Variants in GALNT13 observed in about 807,000 individuals in gnomAD.
The protein encoded by GALNT13 is polypeptide N-acetylgalactosaminyltransferase 13.
In GALNT13, 28 loss-of-function variants were observed where a neutral mutation model predicts 64.2. The observed-to-expected ratio is 0.44, with a 90% CI of 0.32 to 0.60. GALNT13 has a LOEUF of 0.60. Among genes scored for constraint, GALNT13 ranks in the 20% least tolerant of loss-of-function variants. GALNT13 has a pLI of 0.05. For synonymous variants in GALNT13, 214 were observed against 224.6 expected (o/e 0.95, Z 0.42); for missense variants, 577 against 669.8 (o/e 0.86, Z 1.53).
the GALNT13 span, among the ~76,000 whole-genome samples, chr2:153,625,511 T>A: frequency 6.6e-6 from 1 of 152,068 alleles, no homozygotes; most frequent in African/African-American, 2.4e-5. Flanking sequence ...AAGTCACACA[T>A]GCCACAGAAT....
the GALNT13 span, among the ~76,000 whole-genome samples, chr2:153,647,400 T>A: frequency 1.3e-5 from 2 of 152,202 alleles, no homozygotes; most frequent in Non-Finnish European, 2.9e-5. Flanking sequence ...AAAAATTTTC[T>A]CCCATTCTGT....
At chr2:153,172,575 A>G in the GALNT13 span, among the ~76,000 whole-genome samples, 1 of 152,116 alleles carries the variant, frequency 6.6e-6, no homozygotes, top group Non-Finnish European at 1.5e-5. Context: ...GTCATGAGCT[A>G]GGGCTCTTGG....
chr2:153,956,304 A>G (rs1180251830), intron 3 of GALNT13, among the ~76,000 whole-genome samples: 3 of 152,368 alleles, frequency 2.0e-5, no homozygotes, highest in South Asian at 4.1e-4. Flanking sequence ...AAAGAAGTAG[A>G]TCACAGGATT....
the GALNT13 span, among the ~76,000 whole-genome samples, chr2:153,528,193 T>C: frequency 1.3e-5 from 2 of 151,784 alleles, no homozygotes; most frequent in Non-Finnish European, 2.9e-5. Context: ...ACACCTCATC[T>C]ATAAAAAACA....
At chr2:153,591,432 A>G in the GALNT13 span, among the ~76,000 whole-genome samples, 1 of 152,076 alleles carries the variant, frequency 6.6e-6, no homozygotes, top group Non-Finnish European at 1.5e-5. Context: ...AATTTCCCTC[A>G]GAATTAGAAA....
chr2:153,257,308 G>A, the GALNT13 span, among the ~76,000 whole-genome samples: 7 of 152,058 alleles, frequency 4.6e-5, no homozygotes, highest in Admixed American at 6.5e-5. Context: ...GCCCTGCTTC[G>A]GCTCGTGCAC....
At chr2:154,419,273 A>C (rs1700152192) in intron 11 of GALNT13, among the ~76,000 whole-genome samples, 1 of 152,136 alleles carries the variant, frequency 6.6e-6, no homozygotes. Flanking sequence ...GCCTGGCCAC[A>C]GTGTTTTCTA....
At chr2:153,178,785 G>A in the GALNT13 span, among the ~76,000 whole-genome samples, 3 of 145,336 alleles carry the variant, frequency 2.1e-5, no homozygotes, top group Non-Finnish European at 4.5e-5. Flanking sequence ...GCCCAGGCTG[G>A]AGTGCAGTGG....
chr2:153,550,665 T>C, the GALNT13 span, among the ~76,000 whole-genome samples: 2 of 152,232 alleles, frequency 1.3e-5, no homozygotes, highest in Non-Finnish European at 1.5e-5. Context: ...CTAAGTATAA[T>C]GAACCATATT....
chr2:153,747,890 A>G, the GALNT13 span, among the ~76,000 whole-genome samples: 46 of 152,236 alleles, frequency 3.0e-4, no homozygotes, highest in Admixed American at 2.8e-3. Context: ...TCCATTTTAT[A>G]TATGTACCAT....
the GALNT13 span, among the ~76,000 whole-genome samples, chr2:153,482,597 G>T: frequency 3.3e-5 from 5 of 152,152 alleles, no homozygotes; most frequent in African/African-American, 1.2e-4. Flanking sequence ...AGCCTCCTGA[G>T]GAGCTGGGCT....
the GALNT13 span, among the ~76,000 whole-genome samples, chr2:153,259,497 T>C: frequency 6.6e-6 from 1 of 152,216 alleles, no homozygotes; most frequent in Non-Finnish European, 1.5e-5. Context: ...CGAAATCTCA[T>C]TTTAAATAGT....
intron 2 of GALNT13, among the ~76,000 whole-genome samples, chr2:153,903,277 C>T (rs553589167): frequency 1.2e-4 from 18 of 151,916 alleles, no homozygotes; most frequent in Admixed American, 6.6e-5. Context: ...ATCTTGGGTC[C>T]GTAAAAGAAC....
the GALNT13 span, among the ~76,000 whole-genome samples, chr2:153,259,109 T>C: frequency 3.0e-4 from 46 of 152,314 alleles, no homozygotes; most frequent in East Asian, 5.6e-3. Flanking sequence ...GAGGCTCCAG[T>C]GTTGGGAGTA....
At chr2:154,401,001 G>T (rs1699275959) in intron 10 of GALNT13, among the ~76,000 whole-genome samples, 1 of 152,048 alleles carries the variant, frequency 6.6e-6, no homozygotes, top group Non-Finnish European at 1.5e-5. Flanking sequence ...AGGATTTCAG[G>T]AGCCAAGTGA....
chr2:153,555,403 C>A, the GALNT13 span, among the ~76,000 whole-genome samples: 1 of 144,568 alleles, frequency 6.9e-6, no homozygotes, highest in Middle Eastern at 3.5e-3. Context: ...ACCGTGTTAG[C>A]CAGGATGGTC....
At chr2:153,249,044 A>G in the GALNT13 span, among the ~76,000 whole-genome samples, 1 of 152,176 alleles carries the variant, frequency 6.6e-6, no homozygotes, top group African/African-American at 2.4e-5. Flanking sequence ...ATCAGACAAG[A>G]GAAAGAAATA....
At chr2:153,204,650 A>G in the GALNT13 span, among the ~76,000 whole-genome samples, 3 of 146,740 alleles carry the variant, frequency 2.0e-5, no homozygotes, top group Admixed American at 2.0e-4. Flanking sequence ...CCTAGAATAC[A>G]TCTTGTTAGA....
intron 7 of GALNT13, among the ~76,000 whole-genome samples, chr2:154,253,651 T>A (rs2105892477): frequency 6.6e-6 from 1 of 152,206 alleles, no homozygotes; most frequent in Non-Finnish European, 1.5e-5. Flanking sequence ...TAAAATACTA[T>A]CAAACTCAAC....
Sources: gnomAD v4.1 joint callset for allele counts (sites outside exome capture counted in the v4.1 genomes callset) on GRCh38, gnomAD v4.1.1 for gene constraint, MANE v1.5 for transcripts, NCBI Gene and HGNC (gene_info 2026-07-23, HGNC 2026-07-21) for gene names.